CDH13: variants seen among roughly 807,000 people sequenced by gnomAD.
The protein encoded by CDH13 is cadherin-13.
A neutral mutation model predicts 63.8 loss-of-function variants in CDH13; 24 were observed. That is an observed-to-expected ratio of 0.38 (90% confidence interval 0.27 to 0.53). CDH13 has a LOEUF of 0.53. Ranked by LOEUF, CDH13 falls within the 20% of genes least tolerant of loss-of-function variation. The pLI is 0.85. For synonymous variants in CDH13, 503 were observed against 355.3 expected, an observed-to-expected ratio of 1.42 and a Z score of -4.67; for missense variants, 1,049 against 903.1, an observed-to-expected ratio of 1.16 and a Z score of -2.07.
At chr16:83,152,755 G>C (rs1053958386) in intron 4 of CDH13, among the ~76,000 whole-genome samples, 1 of 152,268 alleles carries the variant, frequency 6.6e-6, no homozygotes, top group East Asian at 1.9e-4. Flanking sequence ...CCTAACCTCT[G>C]GTCTCTCAGA....
At chr16:82,728,099 G>T (rs57669725) in intron 1 of CDH13, among the ~76,000 whole-genome samples, 1 of 152,058 alleles carries the variant, frequency 6.6e-6, no homozygotes, top group African/African-American at 2.4e-5. Context: ...TTATTTATAG[G>T]GCTGCTGTGA....
intron 6 of CDH13, among the ~76,000 whole-genome samples, chr16:83,412,027 T>A (rs887677950): frequency 1.7e-4 from 26 of 152,164 alleles, no homozygotes; most frequent in African/African-American, 6.3e-4. Flanking sequence ...TGTGGATGTT[T>A]GTGAAGGAGG....
chr16:82,670,201 C>G (rs1337093543), intron 1 of CDH13, among the ~76,000 whole-genome samples: 1 of 152,144 alleles, frequency 6.6e-6, no homozygotes, highest in Non-Finnish European at 1.5e-5. Flanking sequence ...CCAGCTGCAT[C>G]CGAAATATTT....
At chr16:83,547,360 G>T (rs567940245) in intron 7 of CDH13, among the ~76,000 whole-genome samples, 1 of 152,306 alleles carries the variant, frequency 6.6e-6, no homozygotes, top group African/African-American at 2.4e-5. Flanking sequence ...TGTTACATAG[G>T]TAAACTCATG....
intron 6 of CDH13, among the ~76,000 whole-genome samples, chr16:83,479,255 G>A (rs1552555): frequency 0.98 from 148,604 of 152,318 alleles, 72,609 homozygotes; most frequent in Middle Eastern, 1. Context: ...TAGAAGCAGT[G>A]TGTCTTAAAC....
chr16:83,288,602 C>T (rs950266750), intron 5 of CDH13, among the ~76,000 whole-genome samples: 1 of 152,198 alleles, frequency 6.6e-6, no homozygotes, highest in African/African-American at 2.4e-5. Flanking sequence ...TCTGCGGTGA[C>T]ATTCACATGG....
chr16:83,648,354 C>G (rs544292706), intron 8 of CDH13, among the ~76,000 whole-genome samples: 6 of 152,144 alleles, frequency 3.9e-5, no homozygotes, highest in Admixed American at 1.3e-4. Context: ...TTTGATTCAA[C>G]GCAAGTTTGT....
intron 6 of CDH13, among the ~76,000 whole-genome samples, chr16:83,467,680 T>A (rs183348036): frequency 6.6e-6 from 1 of 152,312 alleles, no homozygotes; most frequent in African/African-American, 2.4e-5. Context: ...CCTTCTGCCC[T>A]CTGCTGTCTG....
chr16:83,777,561 C>T (rs1412156363), intron 11 of CDH13, among the ~76,000 whole-genome samples: 2 of 152,252 alleles, frequency 1.3e-5, no homozygotes, highest in South Asian at 4.1e-4. Flanking sequence ...GGAGTTGGCT[C>T]TACTGCAACA....
chr16:82,814,721 G>C (rs1479563121), intron 1 of CDH13, among the ~76,000 whole-genome samples: 1 of 152,110 alleles, frequency 6.6e-6, no homozygotes, highest in Non-Finnish European at 1.5e-5. Context: ...AGTCACTGTA[G>C]CAAATTAATA....
At position 82,729,489 on chromosome 16, in the gene CDH13, A is replaced by AT. The variant is rs76225558; in HGVS notation, c.45+102365dup. Among the ~76,000 whole-genome samples, 450 of 147,074 alleles carry AT rather than the reference A, an allele frequency of 3.1e-3. 4 individuals are homozygous for AT. Among genetic ancestry groups the AT allele is most frequent in the Middle Eastern group, 0.014 (4 of 284 alleles). The stretch of plus-strand genomic sequence containing the variant: ...AATAGGCAGTGATATTTTGGAAGGA[A>AT]TTTTTTTTTTTTTCTGAGCAGTAGG... On this transcript the variant is annotated intron_variant, in intron 1 of 13. Coordinates refer to ENST00000567109, the MANE Select transcript of CDH13 (RefSeq NM_001257.5).
chr16:83,780,313 T>A, intron 12 of CDH13, 112 bp downstream of exon 12: 2 of 691,674 alleles, frequency 2.9e-6, no homozygotes, highest in African/African-American at 1.8e-5. Context: ...TGGTTCATTT[T>A]AAGTTATTGG....
At chr16:82,898,197 C>G (rs1390972396) in intron 2 of CDH13, among the ~76,000 whole-genome samples, 1 of 152,154 alleles carries the variant, frequency 6.6e-6, no homozygotes, top group Non-Finnish European at 1.5e-5. Context: ...CCACCCATTT[C>G]TTTTTATAAT....
chr16:83,687,915 C>A (rs1904474296), intron 10 of CDH13, among the ~76,000 whole-genome samples: 1 of 152,232 alleles, frequency 6.6e-6, no homozygotes, highest in Non-Finnish European at 1.5e-5. Flanking sequence ...TTGAAAACTA[C>A]AACTGCTTTG....
At chr16:83,490,628 G>A (rs1304735382) in intron 7 of CDH13, among the ~76,000 whole-genome samples, 1 of 152,188 alleles carries the variant, frequency 6.6e-6, no homozygotes, top group East Asian at 1.9e-4. Flanking sequence ...TTTGTGGGAT[G>A]ATGTTTGGCT....
intron 6 of CDH13, chr16:83,398,142 T>A (rs1447293069): frequency 3.1e-5 from 4 of 129,956 alleles, no homozygotes; most frequent in African/African-American, 8.8e-5. Context: ...ACTACCCTGG[T>A]TTCTAACTCA....
At chr16:83,115,753 C>T (rs529196411) in intron 3 of CDH13, among the ~76,000 whole-genome samples, 4 of 152,256 alleles carry the variant, frequency 2.6e-5, no homozygotes, top group South Asian at 2.1e-4. Flanking sequence ...ACAAGTTTGC[C>T]CAGAAGTTAT....
At chr16:83,555,634 T>C (rs770562632) in intron 7 of CDH13, among the ~76,000 whole-genome samples, 2 of 152,204 alleles carry the variant, frequency 1.3e-5, no homozygotes, top group South Asian at 2.1e-4. Context: ...AGAAAACCAA[T>C]TGATAAGCCC....
chr16:83,455,833 C>G (rs539721160), intron 6 of CDH13, among the ~76,000 whole-genome samples: 73 of 152,340 alleles, frequency 4.8e-4, no homozygotes, highest in African/African-American at 1.5e-3. Flanking sequence ...ACAAGTCTCC[C>G]TTTCCTTCTC....
Sources: allele counts gnomAD v4.1 joint callset (sites outside exome capture counted in the v4.1 genomes callset), GRCh38; gene constraint gnomAD v4.1.1; transcripts MANE v1.5; gene names NCBI Gene and HGNC (gene_info 2026-07-23, HGNC 2026-07-21).